ACTN2: variants seen among roughly 807,000 people sequenced by gnomAD.
ACTN2 encodes actinin alpha 2.
Under a neutral mutation model 113.8 loss-of-function variants are expected in ACTN2, and 39 were observed. The observed-to-expected ratio is 0.34, with a 90% confidence interval of 0.27 to 0.45. The LOEUF (loss-of-function observed/expected upper bound fraction) is 0.45, where lower values mean the gene tolerates loss of function less well. Ranked by LOEUF, ACTN2 falls within the 20% of genes least tolerant of loss-of-function variation. The pLI, the probability that ACTN2 is intolerant of heterozygous loss-of-function variation, is 1.00. For synonymous variants in ACTN2, 429 were observed against 444.1 expected, an observed-to-expected ratio of 0.97 and a Z score of 0.43; for missense variants, 992 against 1,177.9, an observed-to-expected ratio of 0.84 and a Z score of 2.31.
intron 1 of ACTN2, among the ~76,000 whole-genome samples, chr1:236,706,729 T>G (rs768518314): frequency 6.6e-6 from 1 of 152,218 alleles, no homozygotes; most frequent in Non-Finnish European, 1.5e-5. Context: ...TGCACCAACC[T>G]AATAAAAGCA....
chr1:236,744,900 G>T, intron 12 of ACTN2, 124 bp downstream of exon 12: 1 of 1,245,476 alleles, frequency 8.0e-7, no homozygotes, highest in Non-Finnish European at 1.1e-6. Flanking sequence ...ACTCTGTGCA[G>T]GGATTCTCCT....
In ACTN2 at chr1:236,762,774, C is replaced by A; in HGVS notation, c.*155C>A. 1 of 938,392 alleles carries A rather than the reference C, an allele frequency of 1.1e-6. No individual in the cohort carries two copies. Among genetic ancestry groups the A allele is most frequent in the Non-Finnish European group, 1.6e-6 (1 of 607,864 alleles). The allele number at this position is 938,392 out of a possible 1,614,324, so 58.1% of individuals were successfully genotyped here. ...AGTTCAGTAATTGCCAGCAATATAACACGGCTAAAATGAAGTTTTTACAGT... is the reference window on the plus strand; with the variant it reads ...AGTTCAGTAATTGCCAGCAATATAAAACGGCTAAAATGAAGTTTTTACAGT... On this transcript the variant is annotated 3_prime_UTR_variant, in exon 21 of 21. Transcript: ENST00000366578.
At chr1:236,695,065 T>G (rs1423535937) in intron 1 of ACTN2, among the ~76,000 whole-genome samples, 2 of 151,570 alleles carry the variant, frequency 1.3e-5, no homozygotes, top group African/African-American at 2.4e-5. Context: ...AGAAATAAGC[T>G]TTTCGTTAAA....
chr1:236,739,227 G>A, intron 9 of ACTN2, 75 bp from the exon 10 acceptor site: 1 of 1,362,294 alleles, frequency 7.3e-7, no homozygotes, highest in Non-Finnish European at 1.0e-6. Flanking sequence ...ATTATTGGAT[G>A]CCTCATTTTT....
intron 6 of ACTN2, among the ~76,000 whole-genome samples, chr1:236,729,153 T>C (rs967131602): frequency 6.6e-6 from 1 of 151,906 alleles, no homozygotes; most frequent in Non-Finnish European, 1.5e-5. Context: ...GGTGAAACCC[T>C]GCCTCTTCTA....
intron 5 of ACTN2, 49 bp downstream of exon 5, chr1:236,726,069 G>T: frequency 6.6e-7 from 1 of 1,511,884 alleles, no homozygotes; most frequent in Non-Finnish European, 9.2e-7. Context: ...GAATCTGTGG[G>T]TAGCATGGGG....
chr1:236,722,970 A>G (rs1558234182), intron 4 of ACTN2, among the ~76,000 whole-genome samples: 1 of 152,216 alleles, frequency 6.6e-6, no homozygotes, highest in Non-Finnish European at 1.5e-5. Context: ...CTTTGATTGT[A>G]GTAACCAATT....
chr1:236,718,503 G>A (rs1394635201), intron 2 of ACTN2, among the ~76,000 whole-genome samples: 3 of 152,162 alleles, frequency 2.0e-5, no homozygotes, highest in South Asian at 2.1e-4. Flanking sequence ...ATCAGGTGTC[G>A]AACGAGCCCT....
chr1:236,704,235 T>A (rs993158714), intron 1 of ACTN2, among the ~76,000 whole-genome samples: 3 of 152,180 alleles, frequency 2.0e-5, no homozygotes, highest in African/African-American at 7.2e-5. Context: ...ACTCTCTGTC[T>A]TCATGGAAGT....
At position 236,737,195 on chromosome 1, in the gene ACTN2, A is replaced by G. The variant is rs1658905465; in HGVS notation, c.857A>G (p.Tyr286Cys). 6.3e-7 allele frequency: 1 copy of G among 1,599,108 alleles called. No individual in the cohort carries two copies. The highest frequency in any genetic ancestry group is 8.5e-7 in the Non-Finnish European group (1 of 1,170,386). Residue 286 changes from tyrosine (Y) to cysteine (C), a missense_variant, in exon 9 of 21, where the codon TAT becomes TGT. Tyr to Cys is a radical substitution (Grantham distance 194). Around this residue, in one of 3 missense-constraint regions of ACTN2, gnomAD observed 736 missense variants for 815.4 expected, o/e 0.90. Transcript: ENST00000366578. Reference protein sequence around the residue: ...NQENERLMEEYERLASELLEW... With the variant: ...NQENERLMEECERLASELLEW... ...GAGAATGAGAGGCTGATGGAAGAATATGAGAGGCTAGCGAGTGAGGTAAAG... is the reference window on the plus strand; with the variant it reads ...GAGAATGAGAGGCTGATGGAAGAATGTGAGAGGCTAGCGAGTGAGGTAAAG...
chr1:236,736,995 A>G, intron 8 of ACTN2, 127 bp from the exon 9 acceptor site: 1 of 745,850 alleles, frequency 1.3e-6, no homozygotes, highest in East Asian at 2.8e-5. Context: ...ACCGCACCCT[A>G]AGCTAGACTC....
Position 236,719,026 on chromosome 1 carries a change from GT to G in ACTN2, c.361+14del, listed in dbSNP as rs759787554. 6.2e-7 allele frequency: 1 copy of G among 1,613,724 alleles called. No individual in the cohort carries two copies. The highest frequency in any genetic ancestry group is 2.2e-5 in the East Asian group (1 of 44,870). On this transcript the variant is annotated intron_variant, in intron 3 of 20. Transcript: ENST00000366578. ...ATTGGCGCTGAAGGTGAGAGGTGTG[GT>G]GGGTGGTCCTGTCTGCCACACTGAC...
intron 1 of ACTN2, among the ~76,000 whole-genome samples, chr1:236,689,338 T>TATATAC (rs1439126100): frequency 3.0e-3 from 123 of 41,122 alleles, no homozygotes; most frequent in African/African-American, 5.3e-3. Context: ...TATATATATA[T>TATATAC]ACACACACAT....
rs369320952 is a variant in ACTN2, at chr1:236,761,023, C to T, written c.2376C>T (p.Ala792=). Residue 792 remains alanine, a synonymous_variant, in exon 20 of 21, where the codon GCC becomes GCT. Transcript: ENST00000366578. ...TTGCCACTTTGCCCCAGGGTGAAGC[C>T]GAATTTGCCCGCATTATGACCCTGG... ...LISMGYDLGE[A]EFARIMTLVD... is the part of the protein sequence containing the mutation. 2.8e-5 allele frequency: 45 copies of T among 1,614,056 alleles called. No individual in the cohort carries two copies. Among genetic ancestry groups the T allele is most frequent in the Admixed American group, 5.0e-5 (3 of 60,000 alleles).
chr1:236,749,148 A>G lies in ACTN2; in HGVS notation c.1540A>G (p.Ile514Val), dbSNP rs770800165. 1.2e-6 allele frequency: 2 copies of G among 1,614,182 alleles called. No homozygotes were observed. Among genetic ancestry groups the G allele is most frequent in the Non-Finnish European group, 8.5e-7 (1 of 1,180,042 alleles). The change falls in exon 14 of 21, where the codon ATT becomes GTT. Residue 514 changes from isoleucine (I) to valine (V), a missense_variant. Ile to Val is a conservative substitution (Grantham distance 29, BLOSUM62 3). This residue lies in a region of ACTN2 where 736 missense variants were observed against 815.4 expected (regional missense o/e 0.90). Transcript: ENST00000366578. Reference protein sequence around the residue: ...LERMEKLLETIDQLHLEFAKR... With the variant: ...LERMEKLLETVDQLHLEFAKR... ...GAGAATGGAGAAATTGCTAGAAACCATTGATCAGCTTCACCTGGAGTTTGC... is the reference window on the plus strand; with the variant it reads ...GAGAATGGAGAAATTGCTAGAAACCGTTGATCAGCTTCACCTGGAGTTTGC...
At chr1:236,716,468 G>A (rs1441317712) in intron 1 of ACTN2, among the ~76,000 whole-genome samples, 2 of 151,944 alleles carry the variant, frequency 1.3e-5, no homozygotes, top group Non-Finnish European at 2.9e-5. Flanking sequence ...AAAAGAAGCT[G>A]GAAAAATAAA....
At chr1:236,746,792 G>C (rs940061015) in intron 12 of ACTN2, among the ~76,000 whole-genome samples, 1 of 152,102 alleles carries the variant, frequency 6.6e-6, no homozygotes, top group African/African-American at 2.4e-5. Flanking sequence ...GAAAAGTAAG[G>C]ATTTAGTGAG....
chr1:236,735,551 T>C, intron 7 of ACTN2, 84 bp from the exon 8 acceptor site: 1 of 1,260,396 alleles, frequency 7.9e-7, no homozygotes, highest in Non-Finnish European at 1.2e-6. Flanking sequence ...TTCTTCCCTC[T>C]GTTCTCCCTG....
At chr1:236,722,654 A>G (rs1190645013) in intron 4 of ACTN2, among the ~76,000 whole-genome samples, 3 of 137,094 alleles carry the variant, frequency 2.2e-5, no homozygotes, top group African/African-American at 8.0e-5. Context: ...AAAAAAAAGA[A>G]AAAGAAAATG....
Sources: allele counts gnomAD v4.1 joint callset (sites outside exome capture counted in the v4.1 genomes callset), GRCh38; gene constraint gnomAD v4.1.1; regional missense constraint gnomAD v4.1.1; transcripts MANE v1.5; gene names NCBI Gene and HGNC (gene_info 2026-07-23, HGNC 2026-07-21).